Variants in ZDHHC15 observed in about 807,000 individuals in gnomAD.
ZDHHC15 encodes palmitoyltransferase ZDHHC15.
A neutral mutation model predicts 31.7 loss-of-function variants in ZDHHC15; 19 were observed. That is an observed-to-expected ratio of 0.60 (90% CI 0.42 to 0.88). The LOEUF is 0.88. ZDHHC15 is among the 40% of genes least tolerant of loss of function. ZDHHC15 has a pLI of 0.00. For missense variants in ZDHHC15, 209 were observed against 251.2 expected (o/e 0.83, Z 1.14); for synonymous variants, 103 against 90.0 (o/e 1.14, Z -0.82).
chrX:75,483,085 A>G (rs746528957), intron 2 of ZDHHC15, among the ~76,000 whole-genome samples: 169 of 105,338 alleles, frequency 1.6e-3, no homozygotes, highest in African/African-American at 4.8e-3. Context: ...GTATGTGTAT[A>G]TATATATATA....
chrX:75,473,213 A>G (rs1203114538), intron 3 of ZDHHC15, among the ~76,000 whole-genome samples: 2 of 111,964 alleles, frequency 1.8e-5, no homozygotes, highest in East Asian at 5.6e-4. Flanking sequence ...GCCTTTTGAA[A>G]TCACAATTAC....
chrX:75,474,448 TACACAC>T (rs752694258), intron 3 of ZDHHC15, among the ~76,000 whole-genome samples: 27 of 78,653 alleles, frequency 3.4e-4, no homozygotes, highest in African/African-American at 8.0e-4. Flanking sequence ...TATATATATA[TACACAC>T]ACACACACAC....
chrX:75,484,605 A>C (rs2084748346), intron 2 of ZDHHC15, among the ~76,000 whole-genome samples: 1 of 112,025 alleles, frequency 8.9e-6, no homozygotes, highest in African/African-American at 3.2e-5. Flanking sequence ...GAACTCTCAT[A>C]TATCAATTAT....
intron 3 of ZDHHC15, among the ~76,000 whole-genome samples, chrX:75,456,766 C>T (rs2084230406): frequency 9.0e-6 from 1 of 111,086 alleles, no homozygotes; most frequent in Non-Finnish European, 1.9e-5. Context: ...TCTATGACAA[C>T]GTTTCCTCTC....
In ZDHHC15 at chrX:75,371,493, T is replaced by C. The variant is rs2083005560; in HGVS notation, c.*1485A>G. On this transcript the variant is annotated 3_prime_UTR_variant, in exon 12 of 12. Transcript: ENST00000373367. ...AGGGATCCAGATGAACAGGTTTTGT[T>C]GTTGCTTTAAGTAGCTGGATTGTTC... 8.9e-6 allele frequency: 1 copy of C among 112,113 alleles called. No homozygotes were observed. The highest frequency in any genetic ancestry group is 3.2e-5 in the African/African-American group (1 of 30,840). The allele number at this position is 112,113 out of a possible 1,213,427, so 9.2% of individuals were successfully genotyped here.
intron 2 of ZDHHC15, among the ~76,000 whole-genome samples, chrX:75,480,620 C>T (rs1446628161): frequency 1.8e-5 from 2 of 110,962 alleles, no homozygotes; most frequent in African/African-American, 6.5e-5. Flanking sequence ...TGATTTTATA[C>T]ATATAAAATC....
intron 1 of ZDHHC15, among the ~76,000 whole-genome samples, chrX:75,506,734 C>T (rs968445554): frequency 2.7e-5 from 3 of 112,324 alleles, no homozygotes; most frequent in Non-Finnish European, 5.6e-5. Flanking sequence ...GTACATGCTG[C>T]ATGACTGCAT....
chrX:75,405,483 A>G (rs1477612517), intron 10 of ZDHHC15, among the ~76,000 whole-genome samples: 7 of 111,987 alleles, frequency 6.3e-5, no homozygotes, highest in African/African-American at 1.9e-4. Context: ...ATGATACTCC[A>G]TGCAACTGGA....
At chrX:75,403,754 C>T (rs1398910467) in intron 10 of ZDHHC15, among the ~76,000 whole-genome samples, 1 of 112,017 alleles carries the variant, frequency 8.9e-6, no homozygotes, top group Non-Finnish European at 1.9e-5. Context: ...GAAAAATATC[C>T]CATGCTGATG....
chrX:75,478,834 A>G, intron 3 of ZDHHC15, 57 bp downstream of exon 3: 4 of 940,117 alleles, frequency 4.3e-6, no homozygotes, highest in Non-Finnish European at 6.0e-6. Context: ...TTCTTGCTTT[A>G]TTGTCACTTC....
At chrX:75,469,291 T>C (rs1254224793) in intron 3 of ZDHHC15, among the ~76,000 whole-genome samples, 1 of 111,801 alleles carries the variant, frequency 8.9e-6, no homozygotes, top group African/African-American at 3.2e-5. Context: ...AGTTCAGTGG[T>C]ATTAAGTACA....
intron 4 of ZDHHC15, among the ~76,000 whole-genome samples, chrX:75,434,052 G>A (rs1369245401): frequency 9.0e-6 from 1 of 111,731 alleles, no homozygotes; most frequent in Non-Finnish European, 1.9e-5. Flanking sequence ...GAATAAGGTG[G>A]TATTGCATTG....
chrX:75,454,990 C>T (rs1248870374), intron 3 of ZDHHC15, among the ~76,000 whole-genome samples: 1 of 111,314 alleles, frequency 9.0e-6, no homozygotes, highest in African/African-American at 3.3e-5. Context: ...CTACCAATGA[C>T]TTTCTTCACA....
At chrX:75,494,735 G>A (rs1405838862) in intron 2 of ZDHHC15, among the ~76,000 whole-genome samples, 7 of 112,191 alleles carry the variant, frequency 6.2e-5, no homozygotes, top group African/African-American at 2.3e-4. Context: ...GCCAGATGTA[G>A]AAAGCTGAAA....
chrX:75,384,839 A>G, intron 10 of ZDHHC15: 2 of 592,619 alleles, frequency 3.4e-6, no homozygotes, highest in Non-Finnish European at 5.8e-6. Flanking sequence ...TAGGTGTTAA[A>G]AAATAAATAA....
chrX:75,484,201 G>A (rs957609760), intron 2 of ZDHHC15, among the ~76,000 whole-genome samples: 2 of 111,020 alleles, frequency 1.8e-5, no homozygotes, highest in African/African-American at 6.5e-5. Flanking sequence ...TTCTATTGTT[G>A]GAAAACTCCA....
At chrX:75,386,999 T>A (rs2083187133) in intron 10 of ZDHHC15, among the ~76,000 whole-genome samples, 1 of 110,265 alleles carries the variant, frequency 9.1e-6, no homozygotes, top group Non-Finnish European at 1.9e-5. Context: ...TGGATAGAGG[T>A]CATATAATTA....
chrX:75,404,202 C>G (rs1318909866), intron 10 of ZDHHC15, among the ~76,000 whole-genome samples: 2 of 111,927 alleles, frequency 1.8e-5, no homozygotes, highest in African/African-American at 6.5e-5. Flanking sequence ...GGACCCCTTC[C>G]TTACACCATA....
intron 2 of ZDHHC15, among the ~76,000 whole-genome samples, chrX:75,489,440 C>T (rs756697054): frequency 5.4e-5 from 6 of 111,744 alleles, no homozygotes; most frequent in East Asian, 2.8e-4. Context: ...CACCAATATC[C>T]GCTGTTCTGC....
Sources: allele counts gnomAD v4.1 joint callset (sites outside exome capture counted in the v4.1 genomes callset), GRCh38; gene constraint gnomAD v4.1.1; transcripts MANE v1.5; gene names NCBI Gene and HGNC (gene_info 2026-07-23, HGNC 2026-07-21).